ZC3H3: variants seen among roughly 807,000 people sequenced by gnomAD.
ZC3H3 encodes the protein zinc finger CCCH domain-containing protein 3.
ZC3H3 carries 36 observed loss-of-function variants against 77.3 expected under a neutral mutation model. That is an observed-to-expected ratio of 0.47 (90% confidence interval 0.36 to 0.61). ZC3H3 has a LOEUF of 0.61. ZC3H3 is among the 20% of genes least tolerant of loss of function. The probability of loss-of-function intolerance (pLI) is 0.00; values close to 1 mark genes in which losing one functional copy is unlikely to be tolerated. For missense variants in ZC3H3, 1,331 were observed against 1,312.2 expected, an observed-to-expected ratio of 1.01 and a Z score of -0.22; for synonymous variants, 626 against 555.2, an observed-to-expected ratio of 1.13 and a Z score of -1.79.
At chr8:143,470,829 G>A (rs1820542891) in intron 5 of ZC3H3, among the ~76,000 whole-genome samples, 2 of 152,244 alleles carry the variant, frequency 1.3e-5, no homozygotes, top group Non-Finnish European at 2.9e-5. Flanking sequence ...TGGAAAAGAA[G>A]CAAGGGCTGC....
At position 143,468,516 on chromosome 8, in the gene ZC3H3, G is replaced by A; in HGVS notation, c.1971C>T (p.Ala657=). The change falls in exon 7 of 12, where the codon GCC becomes GCT. Residue 657 remains alanine, a synonymous_variant. Coordinates refer to ENST00000262577, the MANE Select transcript of ZC3H3 (RefSeq NM_015117.3). The part of the protein sequence containing the change: ...LASRAVQRSL[A]IIRQARQRRE... ...TGCGCTGCCGCGCCTGCCGGATGAT[G>A]GCCAGGCTGCGCTGCACTGCCCGGC... 5.0e-6 allele frequency: 8 copies of A among 1,609,158 alleles called. No individual in the cohort carries two copies. Among genetic ancestry groups the A allele is most frequent in the South Asian group, 1.1e-5 (1 of 90,264 alleles).
At position 143,536,561 on chromosome 8, in the gene ZC3H3, A is replaced by C. The variant is rs559911960; in HGVS notation, c.1365-108T>G. The C allele has an allele frequency of 5.1e-4, 620 of 1,206,944 alleles. 8 individuals are homozygous for C. In the South Asian group the frequency reaches 9.4e-3, roughly 18 times the overall value. The allele number at this position is 1,206,944 out of a possible 1,614,324, so 74.8% of individuals were successfully genotyped here. A position where few individuals can be genotyped will look rare whatever the true frequency, so the allele number is the denominator to read the frequency against. ...GTGGGAGCAGCTCCTGAAGGCCAGGACCAGGCCACAGCGGGTCCTTTCTGG... is the reference window on the plus strand; with the variant it reads ...GTGGGAGCAGCTCCTGAAGGCCAGGCCCAGGCCACAGCGGGTCCTTTCTGG... On this transcript the variant is annotated intron_variant, in intron 2 of 11. Transcript: ENST00000262577.
chr8:143,497,649 C>T (rs529626434), intron 4 of ZC3H3, among the ~76,000 whole-genome samples: 1 of 152,196 alleles, frequency 6.6e-6, no homozygotes, highest in South Asian at 2.1e-4. Flanking sequence ...TCAGGAGGGC[C>T]CTGGGCAGCC....
chr8:143,535,540 G>A (rs1822766790), intron 3 of ZC3H3, among the ~76,000 whole-genome samples: 1 of 152,184 alleles, frequency 6.6e-6, no homozygotes, highest in Non-Finnish European at 1.5e-5. Flanking sequence ...CACGGTGTCT[G>A]GGGGGTGCCA....
chr8:143,475,467 A>T lies in ZC3H3; in HGVS notation c.1834T>A (p.Ser612Thr). ...GAGGTCTTGGAGAGCTTGTTGGCAG[A>T]TACTTTGTAGAGGACCCCTCCGATG... ...RCIGGVLYKV[S>T]ANKLSKTSGQ... The change falls in exon 5 of 12, where the codon TCT becomes ACT. Residue 612 changes from serine to threonine, a missense_variant. This residue lies in a region of ZC3H3 where 978 missense variants were observed against 915.5 expected (regional missense o/e 1.07). Transcript: ENST00000262577. 1 of 1,613,160 alleles carries T rather than the reference A, an allele frequency of 6.2e-7. No homozygotes were observed. Among genetic ancestry groups the T allele is most frequent in the Non-Finnish European group, 8.5e-7 (1 of 1,179,962 alleles).
chr8:143,509,437 G>A (rs965832045), intron 3 of ZC3H3, among the ~76,000 whole-genome samples: 2 of 152,220 alleles, frequency 1.3e-5, no homozygotes, highest in African/African-American at 4.8e-5. Flanking sequence ...CAAGCTGGGG[G>A]CCAGCCTTGG....
At chr8:143,512,992 C>T (rs1369151768) in intron 3 of ZC3H3, among the ~76,000 whole-genome samples, 2 of 151,838 alleles carry the variant, frequency 1.3e-5, no homozygotes, top group African/African-American at 4.8e-5. Flanking sequence ...ATAGGCCCAG[C>T]GCCAGAGGAG....
At chr8:143,535,820 G>T (rs978924328) in intron 3 of ZC3H3, among the ~76,000 whole-genome samples, 1 of 152,244 alleles carries the variant, frequency 6.6e-6, no homozygotes, top group Non-Finnish European at 1.5e-5. Flanking sequence ...AACTCACACA[G>T]TACCATGTGA....
rs772869050 is a variant in ZC3H3 at position 143,460,930 on chromosome 8, T to C, written c.2307+4787A>G. ...TAGAGGAGGCGCCTTCACTAACTAG[T>C]TAGGTGTCTAACTAGGGTTTGGGAA... On this transcript the variant is annotated intron_variant, in intron 9 of 11. Transcript: ENST00000262577. This position sits in a 1 kb window ranked among gnomAD's most constrained non-coding sequence, Gnocchi z 4.0. Among the ~76,000 whole-genome samples the C allele has an allele frequency of 1.3e-5, 2 of 152,068 alleles. No individual in the cohort carries two copies. The highest frequency in any genetic ancestry group is 2.9e-5 in the Non-Finnish European group (2 of 68,010).
In ZC3H3 at chr8:143,539,287, T is replaced by C. The variant is rs1003071902; in HGVS notation, c.80A>G (p.Asn27Ser). Reference protein sequence around the residue: ...LIDDYKTLHGNAPAPGTPAAS... With the variant: ...LIDDYKTLHGSAPAPGTPAAS... Reference sequence around the variant, plus strand: ...TGCTGGGGTACCAGGGGCCGGGGCATTGCCGTGGAGGGTTTTGTAGTCATC... The same window carrying C: ...TGCTGGGGTACCAGGGGCCGGGGCACTGCCGTGGAGGGTTTTGTAGTCATC... Residue 27 changes from asparagine (N) to serine (S), a missense_variant, in exon 2 of 12, where the codon AAT (asparagine) becomes AGT (serine). By Grantham distance (46) the Asn-to-Ser change is conservative. Coordinates refer to ENST00000262577, the MANE Select transcript of ZC3H3 (RefSeq NM_015117.3). 2 of 1,612,084 alleles carry C rather than the reference T, an allele frequency of 1.2e-6. No individual in the cohort carries two copies. The highest frequency in any genetic ancestry group is 2.7e-5 in the African/African-American group (2 of 74,866).
chr8:143,458,959 G>GAA (rs1003789607), intron 9 of ZC3H3, among the ~76,000 whole-genome samples: 1 of 128,970 alleles, frequency 7.8e-6, no homozygotes, highest in Non-Finnish European at 1.7e-5. Flanking sequence ...TGTTCTTCAA[G>GAA]AAAAAAAAAA....
chr8:143,453,264 T>G (rs1820033480), intron 9 of ZC3H3, among the ~76,000 whole-genome samples: 1 of 119,248 alleles, frequency 8.4e-6, no homozygotes. Context: ...TTTTGTTTTT[T>G]TTTTTAAAGA....
intron 4 of ZC3H3, among the ~76,000 whole-genome samples, chr8:143,485,890 G>A (rs771693660): frequency 6.6e-6 from 1 of 152,244 alleles, no homozygotes; most frequent in African/African-American, 2.4e-5. Flanking sequence ...GGATGGGCGT[G>A]AGGCCCCACA....
In ZC3H3 at chr8:143,465,844, G is replaced by T; in HGVS notation, c.2180C>A (p.Pro727Gln). ...GCCCTTCAGGAAGTAGGAGCACACCGGCATCTGCAGGGAGGGCCGGCAGTG... is the reference window on the plus strand; with the variant it reads ...GCCCTTCAGGAAGTAGGAGCACACCTGCATCTGCAGGGAGGGCCGGCAGTG... ...FSHHVSKEKM[P>Q]VCSYFLKGIC... The change falls in exon 9 of 12, where the codon CCG (proline) becomes CAG (glutamine). Residue 727 changes from proline to glutamine, a missense_variant. Pro to Gln is a moderately conservative substitution (Grantham distance 76, BLOSUM62 -1). This residue lies in a region of ZC3H3 where 104 missense variants were observed against 159.7 expected (regional missense o/e 0.65). Coordinates refer to ENST00000262577, the MANE Select transcript of ZC3H3 (RefSeq NM_015117.3). 1 of 1,610,466 alleles carries T rather than the reference G, an allele frequency of 6.2e-7. No homozygotes were observed.
chr8:143,499,868 T>G (rs1821472376), intron 4 of ZC3H3, among the ~76,000 whole-genome samples: 1 of 152,176 alleles, frequency 6.6e-6, no homozygotes, highest in South Asian at 2.1e-4. Flanking sequence ...CCTGGAAACG[T>G]GCCCTGGAGC....
chr8:143,438,453 C>G (rs1374669559), intron 11 of ZC3H3, among the ~76,000 whole-genome samples: 3 of 152,198 alleles, frequency 2.0e-5, no homozygotes, highest in African/African-American at 4.8e-5. Flanking sequence ...CAGCACCAGA[C>G]TGCCCTGCAC....
chr8:143,489,893 C>T (rs1284332894), intron 4 of ZC3H3, among the ~76,000 whole-genome samples: 1 of 152,166 alleles, frequency 6.6e-6, no homozygotes, highest in African/African-American at 2.4e-5. Context: ...GGGACCCTTG[C>T]TGACTTGCAG....
At chr8:143,477,816 G>A (rs1467849732) in intron 4 of ZC3H3, among the ~76,000 whole-genome samples, 2 of 152,092 alleles carry the variant, frequency 1.3e-5, no homozygotes, top group African/African-American at 4.8e-5. Context: ...GGGTGAGGGG[G>A]CTGGTGGCCA....
At position 143,437,666 on chromosome 8, in the gene ZC3H3, T is replaced by C. The variant is rs955323830; in HGVS notation, c.*390A>G. On this transcript the variant is annotated 3_prime_UTR_variant, in exon 12 of 12. Transcript: ENST00000262577. ...TCAGGACAAGCCAACCAGTTACGGA[T>C]AGAACCTTTATTGCTGAACATAAAA... The C allele has an allele frequency of 6.9e-5, 20 of 290,056 alleles. No homozygotes were observed. The highest frequency in any genetic ancestry group is 2.5e-4 in the Admixed American group (6 of 24,006). The allele number at this position is 290,056 out of a possible 1,614,324, so 18.0% of individuals were successfully genotyped here. A position where few individuals can be genotyped will look rare whatever the true frequency, so the allele number is the denominator to read the frequency against.
Sources: allele counts gnomAD v4.1 joint callset (sites outside exome capture counted in the v4.1 genomes callset), GRCh38; gene constraint gnomAD v4.1.1; regional missense constraint gnomAD v4.1.1; non-coding constraint Gnocchi (gnomAD v3.1); transcripts MANE v1.5; gene names NCBI Gene and HGNC (gene_info 2026-07-23, HGNC 2026-07-21).